PRKAG2: variants seen among roughly 807,000 people sequenced by gnomAD.
The protein encoded by PRKAG2 is 5'-AMP-activated protein kinase subunit gamma-2.
PRKAG2 carries 26 observed loss-of-function variants against 69.6 expected under a neutral mutation model. The observed-to-expected ratio is 0.37, with a 90% CI of 0.27 to 0.52. The LOEUF (loss-of-function observed/expected upper bound fraction) is 0.52. Among genes scored for constraint, PRKAG2 ranks in the 20% least tolerant of loss-of-function variants. The probability of loss-of-function intolerance (pLI) is 0.90; values close to 1 mark genes in which losing one functional copy is unlikely to be tolerated. For synonymous variants in PRKAG2, 293 were observed against 285.0 expected (o/e 1.03, Z -0.28); for missense variants, 557 against 740.0 (o/e 0.75, Z 2.87).
At chr7:151,743,746 T>C (rs2074062648) in intron 3 of PRKAG2, among the ~76,000 whole-genome samples, 1 of 152,222 alleles carries the variant, frequency 6.6e-6, no homozygotes, top group Non-Finnish European at 1.5e-5. Context: ...TGCTGCTCCA[T>C]GCTCGGCATC....
chr7:151,591,192 C>G (rs1403669999), intron 6 of PRKAG2, among the ~76,000 whole-genome samples: 2 of 150,460 alleles, frequency 1.3e-5, no homozygotes, highest in South Asian at 2.1e-4. Context: ...TTGGGGGACC[C>G]ACAGCCCCTG....
chr7:151,563,093 G>T (rs984100119), intron 14 of PRKAG2, among the ~76,000 whole-genome samples: 3 of 152,126 alleles, frequency 2.0e-5, no homozygotes, highest in African/African-American at 7.2e-5. Context: ...GTCATCTGCT[G>T]CTGAGTCAAA....
At chr7:151,715,045 C>T (rs140628805) in intron 3 of PRKAG2, among the ~76,000 whole-genome samples, 3,380 of 145,364 alleles carry the variant, frequency 0.023, 57 homozygotes, top group Non-Finnish European at 0.04. Context: ...GATGGAGTTT[C>T]GCTCTTGTTG....
At chr7:151,851,035 C>T (rs550630674) in intron 1 of PRKAG2, among the ~76,000 whole-genome samples, 1 of 152,302 alleles carries the variant, frequency 6.6e-6, no homozygotes, top group South Asian at 2.1e-4. Flanking sequence ...GCGATCCCGC[C>T]GTCTCTGTGC....
At chr7:151,839,369 C>A (rs949541505) in intron 1 of PRKAG2, among the ~76,000 whole-genome samples, 1 of 152,184 alleles carries the variant, frequency 6.6e-6, no homozygotes, top group African/African-American at 2.4e-5. Context: ...AGCTCAGAAG[C>A]GGTCCGCAGC....
At chr7:151,585,459 C>CAGTT (rs3035133) in intron 6 of PRKAG2, among the ~76,000 whole-genome samples, 107,291 of 151,436 alleles carry the variant, frequency 0.71, 38,105 homozygotes, top group East Asian at 0.82. Context: ...GAAAAACTCT[C>CAGTT]AGCCACTAGT....
intron 3 of PRKAG2, among the ~76,000 whole-genome samples, chr7:151,744,754 C>T (rs1408943668): frequency 6.6e-6 from 1 of 152,164 alleles, no homozygotes; most frequent in Non-Finnish European, 1.5e-5. Flanking sequence ...CAGGGCAGGG[C>T]TGCTGAGGCC....
intron 1 of PRKAG2, among the ~76,000 whole-genome samples, chr7:151,856,958 G>T (rs1279729625): frequency 1.3e-5 from 2 of 152,156 alleles, no homozygotes; most frequent in South Asian, 4.1e-4. Context: ...GGTGACAAAA[G>T]AAACTACTGG....
intron 3 of PRKAG2, among the ~76,000 whole-genome samples, chr7:151,703,181 T>A (rs1460405993): frequency 6.6e-6 from 1 of 152,118 alleles, no homozygotes; most frequent in East Asian, 1.9e-4. Flanking sequence ...GACTCACTCA[T>A]CAGCGCGCGC....
At chr7:151,776,388 C>G (rs142707383) in intron 3 of PRKAG2, among the ~76,000 whole-genome samples, 1 of 150,510 alleles carries the variant, frequency 6.6e-6, no homozygotes, top group Non-Finnish European at 1.5e-5. Flanking sequence ...ACCTGACAAG[C>G]CAGAAGAGTG....
chr7:151,763,542 C>A (rs543373613), intron 3 of PRKAG2, among the ~76,000 whole-genome samples: 1 of 152,380 alleles, frequency 6.6e-6, no homozygotes, highest in African/African-American at 2.4e-5. Context: ...TCGCTGGCTC[C>A]TCAGCCACTG....
At chr7:151,844,443 A>T (rs1453352367) in intron 1 of PRKAG2, among the ~76,000 whole-genome samples, 7 of 152,164 alleles carry the variant, frequency 4.6e-5, no homozygotes. Context: ...CAGAGGTGGG[A>T]AGGAACGGGG....
intron 14 of PRKAG2, 92 bp downstream of exon 14, chr7:151,563,986 T>C: frequency 6.3e-7 from 1 of 1,581,038 alleles, no homozygotes; most frequent in Non-Finnish European, 8.7e-7. Flanking sequence ...CGCTGGGCCC[T>C]TCCTGAGATT....
chr7:151,861,769 G>A (rs2079932170), intron 1 of PRKAG2, among the ~76,000 whole-genome samples: 1 of 151,952 alleles, frequency 6.6e-6, no homozygotes, highest in African/African-American at 2.4e-5. Context: ...ATTATATTCT[G>A]TATTTTACCG....
intron 5 of PRKAG2, among the ~76,000 whole-genome samples, chr7:151,612,251 G>A (rs1448496027): frequency 6.6e-6 from 1 of 152,184 alleles, no homozygotes; most frequent in Non-Finnish European, 1.5e-5. Flanking sequence ...AGGTTTGGGA[G>A]CCGCTGAGTG....
intron 1 of PRKAG2, among the ~76,000 whole-genome samples, chr7:151,820,501 G>GTCTCCAACTTCACGTCTC (rs1563728068): frequency 1.1e-3 from 109 of 97,316 alleles, no homozygotes; most frequent in Middle Eastern, 5.7e-3. Flanking sequence ...CCGCTCCGTG[G>GTCTCCAACTTCACGTCTC]CCTGGCCCCT....
intron 6 of PRKAG2, among the ~76,000 whole-genome samples, chr7:151,591,041 A>T (rs895038512): frequency 6.6e-6 from 1 of 152,166 alleles, no homozygotes; most frequent in Non-Finnish European, 1.5e-5. Flanking sequence ...GGGCATTGGC[A>T]CGGATTTGTC....
At chr7:151,737,029 C>T (rs577125580) in intron 3 of PRKAG2, among the ~76,000 whole-genome samples, 33 of 152,246 alleles carry the variant, frequency 2.2e-4, no homozygotes, top group South Asian at 1.7e-3. Context: ...ATATGTTTTG[C>T]AACCAATAAA....
intron 6 of PRKAG2, among the ~76,000 whole-genome samples, chr7:151,588,494 C>G (rs1480232820): frequency 6.6e-6 from 1 of 152,030 alleles, no homozygotes; most frequent in Non-Finnish European, 1.5e-5. Flanking sequence ...TCCCAAATAG[C>G]TGGGACCACA....
Sources: allele counts gnomAD v4.1 joint callset (sites outside exome capture counted in the v4.1 genomes callset), GRCh38; gene constraint gnomAD v4.1.1; transcripts MANE v1.5; gene names NCBI Gene and HGNC (gene_info 2026-07-23, HGNC 2026-07-21).